Variants in NANOG observed in about 807,000 individuals in gnomAD.
NANOG encodes the protein homeobox protein NANOG.
A neutral mutation model predicts 17.7 loss-of-function variants in NANOG; 2 were observed. That is an observed-to-expected ratio of 0.11 (90% confidence interval 0.05 to 0.36). The LOEUF (loss-of-function observed/expected upper bound fraction) is 0.36, where lower values mean the gene tolerates loss of function less well. NANOG is among the 10% of genes least tolerant of loss of function. NANOG has a pLI of 1.00. For missense variants in NANOG, 174 were observed against 362.1 expected (o/e 0.48, Z 4.22); for synonymous variants, 81 against 124.7 (o/e 0.65, Z 2.33).
intron 1 of NANOG, among the ~76,000 whole-genome samples, chr12:7,790,678 A>G (rs778799523): frequency 6.6e-6 from 1 of 152,314 alleles, no homozygotes; most frequent in East Asian, 1.9e-4. Context: ...AGTTGTAAAG[A>G]GTAGGTTGTG....
intron 1 of NANOG, among the ~76,000 whole-genome samples, chr12:7,790,513 T>TA (rs1267938534): frequency 6.6e-6 from 1 of 152,192 alleles, no homozygotes; most frequent in African/African-American, 2.4e-5. Context: ...GGGTGGGGGA[T>TA]ACTCGGGATA....
chr12:7,791,979 C>T (rs748650659), intron 1 of NANOG, among the ~76,000 whole-genome samples: 7 of 152,344 alleles, frequency 4.6e-5, no homozygotes, highest in Middle Eastern at 3.4e-3. Context: ...ACTGCAATCA[C>T]GGCCTCCTGG....
intron 2 of NANOG, among the ~76,000 whole-genome samples, 181 bp downstream of exon 2, chr12:7,793,393 T>C (rs1169923564): frequency 2.1e-5 from 3 of 142,870 alleles, no homozygotes; most frequent in African/African-American, 8.5e-5. Context: ...TTAAATATTC[T>C]ATTATGTGAA....
Position 7,794,445 on chromosome 12 carries a change from T to A in NANOG, c.415-12T>A, listed in dbSNP as rs1295646820. 8 of 1,606,690 alleles carry A rather than the reference T, an allele frequency of 5.0e-6. No individual in the cohort carries two copies. The highest frequency in any genetic ancestry group is 6.8e-6 in the Non-Finnish European group (8 of 1,175,296). ...ATGAATATTTTACAATTTCTATCAT[T>A]TTTTCCTGCAGGTGAAGACCTGGTT... On this transcript the variant is annotated splice_polypyrimidine_tract_variant and intron_variant, in intron 2 of 3. Coordinates refer to ENST00000229307, the MANE Select transcript of NANOG (RefSeq NM_024865.4).
rs1427583354 is a variant in NANOG at position 7,798,393 on chromosome 12, A to T, written c.*3298A>T. The stretch of plus-strand genomic sequence containing the variant: ...CAAAAATAAACAAAAATAATAGGAG[A>T]TTAGGCAAAAAGGATAGTACAAGGC... On this transcript the variant is annotated 3_prime_UTR_variant, in exon 4 of 4. Coordinates refer to ENST00000229307, the MANE Select transcript of NANOG (RefSeq NM_024865.4). 1 of 152,140 alleles carries T rather than the reference A, an allele frequency of 6.6e-6. No homozygotes were observed. The highest frequency in any genetic ancestry group is 1.5e-5 in the Non-Finnish European group (1 of 68,034). The allele number at this position is 152,140 out of a possible 1,614,324, so 9.4% of individuals were successfully genotyped here.
intron 1 of NANOG, among the ~76,000 whole-genome samples, 163 bp from the exon 2 acceptor site, chr12:7,792,787 A>G (rs991985138): frequency 3.9e-5 from 6 of 152,212 alleles, no homozygotes; most frequent in Admixed American, 3.3e-4. Context: ...GTAATACTAT[A>G]TAAAGCTTGC....
chr12:7,790,262 A>G (rs1233036396), intron 1 of NANOG, among the ~76,000 whole-genome samples: 1 of 152,162 alleles, frequency 6.6e-6, no homozygotes, highest in African/African-American at 2.4e-5. Context: ...AATTCTTTCT[A>G]TGTCAGTAAC....
intron 1 of NANOG, among the ~76,000 whole-genome samples, chr12:7,790,325 G>A (rs1862822566): frequency 1.3e-5 from 2 of 152,324 alleles, no homozygotes; most frequent in South Asian, 4.1e-4. Context: ...GCAGCTCTGA[G>A]TTTGGGAGCA....
At chr12:7,791,308 G>T (rs898803755) in intron 1 of NANOG, among the ~76,000 whole-genome samples, 16 of 151,090 alleles carry the variant, frequency 1.1e-4, no homozygotes, top group African/African-American at 4.9e-5. Context: ...AAGGGGTTTC[G>T]GTGTGTTGGC....
Position 7,798,301 on chromosome 12 carries a change from C to G in NANOG, c.*3206C>G, listed in dbSNP as rs1354548572. 1.3e-5 allele frequency: 2 copies of G among 152,138 alleles called. No individual in the cohort carries two copies. The highest frequency in any genetic ancestry group is 2.4e-5 in the African/African-American group (1 of 41,420). 9.4% of individuals were successfully genotyped at this position (152,138 alleles called of 1,614,324 possible). On this transcript the variant is annotated 3_prime_UTR_variant, in exon 4 of 4. Transcript: ENST00000229307. ...CGGAGGCAGGATAATCACTTGAACC[C>G]GGGAGGTTGCAGTGACCCCAGATAA...
intron 1 of NANOG, among the ~76,000 whole-genome samples, chr12:7,792,390 G>A (rs1357045730): frequency 2.6e-5 from 4 of 152,208 alleles, no homozygotes; most frequent in African/African-American, 9.7e-5. Context: ...GCGCCGGCCT[G>A]ATGAGGTGGC....
chr12:7,792,616 A>G lies in NANOG; in HGVS notation c.152-334A>G, dbSNP rs747619566. ...GAGATGGAGGTTGCAGTGAGCCGAGATTGCACCATCGCACTTCAGCCTGGG... is the reference window on the plus strand; with the variant it reads ...GAGATGGAGGTTGCAGTGAGCCGAGGTTGCACCATCGCACTTCAGCCTGGG... On this transcript the variant is annotated intron_variant, in intron 1 of 3. Transcript: ENST00000229307. Among the ~76,000 whole-genome samples, 9 of 152,218 alleles carry G rather than the reference A, an allele frequency of 5.9e-5. No homozygotes were observed. In the East Asian group the frequency reaches 1.7e-3, roughly 29 times the overall value.
At position 7,797,338 on chromosome 12, in the gene NANOG, G is replaced by A. The variant is rs1311185585; in HGVS notation, c.*2243G>A. On this transcript the variant is annotated 3_prime_UTR_variant, in exon 4 of 4. Transcript: ENST00000229307. ...CCCAAAGTGGTGGGATTATAGGTGTGAGCCACCGTGTCTGGGCAATTTTTT... is the reference window on the plus strand; with the variant it reads ...CCCAAAGTGGTGGGATTATAGGTGTAAGCCACCGTGTCTGGGCAATTTTTT... 6.8e-6 allele frequency: 1 copy of A among 147,452 alleles called. No individual in the cohort carries two copies. Among genetic ancestry groups the A allele is most frequent in the African/African-American group, 2.5e-5 (1 of 40,126 alleles). The allele number at this position is 147,452 out of a possible 1,614,324, so 9.1% of individuals were successfully genotyped here. A position where few individuals can be genotyped will look rare whatever the true frequency, so the allele number is the denominator to read the frequency against.
At position 7,794,754 on chromosome 12, in the gene NANOG, C is replaced by G; in HGVS notation, c.577C>G (p.Leu193Val). The G allele has an allele frequency of 2.6e-6, 4 of 1,560,078 alleles. No homozygotes were observed. The highest frequency in any genetic ancestry group is 2.4e-5 in the South Asian group (2 of 82,534). Residue 193 changes from leucine to valine, a missense_variant, in exon 4 of 4, where the codon CTT becomes GTT. Leu to Val is a conservative substitution (Grantham distance 32). This residue lies in a region of NANOG where 158 missense variants were observed against 244.2 expected (regional missense o/e 0.65). Transcript: ENST00000229307. ...ATGCCTGGTGAACCCGACTGGGAAC[C>G]TTCCAATGTGGAGCAACCAGACCTG... ...QGCLVNPTGN[L>V]PMWSNQTWNN...
At chr12:7,792,839 A>G in intron 1 of NANOG, 111 bp from the exon 2 acceptor site, 5 of 1,123,512 alleles carry the variant, frequency 4.5e-6, no homozygotes, top group Non-Finnish European at 6.4e-6. Flanking sequence ...CTTATTACTT[A>G]GATCTGGGGT....
chr12:7,791,117 T>C (rs1392758947), intron 1 of NANOG, among the ~76,000 whole-genome samples: 12 of 150,436 alleles, frequency 8.0e-5, no homozygotes, highest in Non-Finnish European at 1.2e-4. Flanking sequence ...TTCTTTCTTT[T>C]TTTTTTTTTG....
chr12:7,792,918 G>A lies in NANOG; in HGVS notation c.152-32G>A. On this transcript the variant is annotated intron_variant, in intron 1 of 3. Coordinates refer to ENST00000229307, the MANE Select transcript of NANOG (RefSeq NM_024865.4). ...ATATTTTAATATTTGAAAAATTTTAGACAAAAGTGTCCTTTTATTTGTTCC... is the reference window on the plus strand; with the variant it reads ...ATATTTTAATATTTGAAAAATTTTAAACAAAAGTGTCCTTTTATTTGTTCC... 3 of 1,552,874 alleles carry A rather than the reference G, an allele frequency of 1.9e-6. No homozygotes were observed. The African/African-American group carries it at 4.2e-5, about 22-fold the overall frequency.
chr12:7,792,105 C>T (rs1169962291), intron 1 of NANOG, among the ~76,000 whole-genome samples: 1 of 152,086 alleles, frequency 6.6e-6, no homozygotes, highest in Admixed American at 6.6e-5. Context: ...CATGTTGGCA[C>T]GCTGGTTTTG....
intron 2 of NANOG, 146 bp downstream of exon 2, chr12:7,793,358 T>G: frequency 1.4e-6 from 1 of 719,254 alleles, no homozygotes; most frequent in Non-Finnish European, 2.3e-6. Flanking sequence ...AATGCTTTTG[T>G]AACTTCCTTC....
Sources: gnomAD v4.1 joint callset for allele counts (sites outside exome capture counted in the v4.1 genomes callset) on GRCh38, gnomAD v4.1.1 for gene constraint, gnomAD v4.1.1 regional missense constraint, MANE v1.5 for transcripts, NCBI Gene and HGNC (gene_info 2026-07-23, HGNC 2026-07-21) for gene names.